The following CALN1 variants were observed in gnomAD, a reference collection of about 807,000 sequenced individuals.
The protein encoded by CALN1 is calneuron 1.
In CALN1, 17 loss-of-function variants were observed where a neutral mutation model predicts 30.6. That is an observed-to-expected ratio of 0.56 (90% CI 0.38 to 0.83). The LOEUF (loss-of-function observed/expected upper bound fraction) is 0.83. Among genes scored for constraint, CALN1 ranks in the 40% least tolerant of loss-of-function variants. The pLI is 0.00. For synonymous variants in CALN1, 156 were observed against 131.4 expected, an observed-to-expected ratio of 1.19 and a Z score of -1.28; for missense variants, 291 against 354.9, an observed-to-expected ratio of 0.82 and a Z score of 1.45.
At chr7:72,179,831 T>A (rs1490877755) in intron 3 of CALN1, among the ~76,000 whole-genome samples, 1 of 152,170 alleles carries the variant, frequency 6.6e-6, no homozygotes, top group Non-Finnish European at 1.5e-5. Context: ...AAAATTACAT[T>A]TTCTTATGTA....
At chr7:71,874,829 CA>C (rs1792147703) in intron 5 of CALN1, among the ~76,000 whole-genome samples, 1 of 151,728 alleles carries the variant, frequency 6.6e-6, no homozygotes, top group African/African-American at 2.4e-5. Context: ...CAGGGCCGAG[CA>C]CATAGTTGGA....
chr7:72,369,700 T>TGCA (rs1232662344), intron 2 of CALN1, among the ~76,000 whole-genome samples: 1 of 152,196 alleles, frequency 6.6e-6, no homozygotes, highest in Non-Finnish European at 1.5e-5. Context: ...TACCATAGTT[T>TGCA]GCATTTCCTA....
At chr7:72,034,738 T>A (rs914164096) in intron 4 of CALN1, among the ~76,000 whole-genome samples, 3 of 136,944 alleles carry the variant, frequency 2.2e-5, no homozygotes, top group African/African-American at 8.4e-5. Context: ...TGGTGAGCTG[T>A]GATCATGCCA....
At chr7:71,991,704 A>G (rs1798963405) in intron 5 of CALN1, among the ~76,000 whole-genome samples, 2 of 152,388 alleles carry the variant, frequency 1.3e-5, no homozygotes, top group South Asian at 4.1e-4. Context: ...AACAAGGGAC[A>G]GATACTTAAA....
upstream of CALN1, among the ~76,000 whole-genome samples, chr7:72,417,225 C>T (rs1311232465): frequency 2.6e-5 from 4 of 152,166 alleles, no homozygotes; most frequent in African/African-American, 4.8e-5. Flanking sequence ...TGAGATGCCC[C>T]GTGCAATGGG....
rs568655981 is a variant in CALN1, at chr7:71,993,208, C to A, written c.501+30449G>T. On this transcript the variant is annotated intron_variant, in intron 5 of 6. Transcript: ENST00000395275. The stretch of plus-strand genomic sequence containing the variant: ...GGTGCAGAGGCCCAGGAAGACATAT[C>A]ACCAGCCTCTGTTGCCACCTTGACT... Among the ~76,000 whole-genome samples the A allele has an allele frequency of 1.2e-3, 190 of 152,290 alleles. 1 individual carries two copies. The highest frequency in any genetic ancestry group is 4.4e-3 in the African/African-American group (181 of 41,548).
chr7:72,244,347 C>T (rs1160625445), intron 3 of CALN1, among the ~76,000 whole-genome samples: 1 of 152,104 alleles, frequency 6.6e-6, no homozygotes, highest in Admixed American at 6.6e-5. Flanking sequence ...TATTTCAATG[C>T]AAAGCTATTC....
intron 3 of CALN1, among the ~76,000 whole-genome samples, chr7:72,247,227 C>CTTTCTTTTTTTTTTTTT (rs1795239633): frequency 1.3e-5 from 1 of 77,672 alleles, no homozygotes; most frequent in Non-Finnish European, 2.3e-5. Context: ...CATTTTCTTT[C>CTTTCTTTTTTTTTTTTT]TTTTTTTTTT....
At chr7:71,995,316 C>A (rs1479307538) in intron 5 of CALN1, among the ~76,000 whole-genome samples, 1 of 152,198 alleles carries the variant, frequency 6.6e-6, no homozygotes, top group Non-Finnish European at 1.5e-5. Context: ...TGCTGTCATT[C>A]ACCCGTGCAA....
chr7:71,979,310 G>C (rs1438958007), intron 5 of CALN1, among the ~76,000 whole-genome samples: 1 of 152,110 alleles, frequency 6.6e-6, no homozygotes, highest in African/African-American at 2.4e-5. Context: ...AATATATAAT[G>C]AAACAATTAT....
intron 5 of CALN1, among the ~76,000 whole-genome samples, chr7:71,953,366 T>C (rs1008178271): frequency 6.6e-6 from 1 of 152,178 alleles, no homozygotes; most frequent in East Asian, 1.9e-4. Context: ...ACTATTTAAG[T>C]AGATGCGTAT....
At chr7:72,249,626 AC>A (rs1240551788) in intron 3 of CALN1, among the ~76,000 whole-genome samples, 2 of 152,026 alleles carry the variant, frequency 1.3e-5, no homozygotes, top group Non-Finnish European at 2.9e-5. Flanking sequence ...ACATGGCAAA[AC>A]CCTGTCTCTA....
intron 2 of CALN1, among the ~76,000 whole-genome samples, chr7:72,385,544 A>C (rs959956782): frequency 6.6e-6 from 1 of 152,020 alleles, no homozygotes; most frequent in Non-Finnish European, 1.5e-5. Context: ...ATCCCCAGGT[A>C]CCACAGGAAA....
intron 3 of CALN1, among the ~76,000 whole-genome samples, chr7:72,241,213 C>G (rs1040203053): frequency 6.6e-6 from 1 of 152,154 alleles, no homozygotes; most frequent in South Asian, 2.1e-4. Context: ...AAAGTATTCA[C>G]CATTCAACAG....
chr7:71,916,980 C>G, intron 5 of CALN1, among the ~76,000 whole-genome samples: 1 of 152,236 alleles, frequency 6.6e-6, no homozygotes, highest in South Asian at 2.1e-4. Flanking sequence ...GAGTTAGGAA[C>G]AAAAGGTCCC....
intron 5 of CALN1, among the ~76,000 whole-genome samples, chr7:71,982,518 G>A (rs1403249791): frequency 1.3e-5 from 2 of 152,096 alleles, no homozygotes; most frequent in Non-Finnish European, 2.9e-5. Flanking sequence ...CACTTGAACC[G>A]GGGAGGCAGA....
intron 2 of CALN1, among the ~76,000 whole-genome samples, chr7:72,384,778 C>G (rs780067028): frequency 6.6e-6 from 1 of 151,548 alleles, no homozygotes; most frequent in South Asian, 2.1e-4. Context: ...GATAAAACAC[C>G]AAAAGCATTA....
chr7:72,148,931 A>AG, intron 3 of CALN1, among the ~76,000 whole-genome samples: 1 of 150,610 alleles, frequency 6.6e-6, no homozygotes, highest in Non-Finnish European at 1.5e-5. Flanking sequence ...AAAGAAAGAA[A>AG]AAAAAGAAGG....
chr7:72,459,652 A>G, the CALN1 span, among the ~76,000 whole-genome samples: 4 of 151,190 alleles, frequency 2.6e-5, no homozygotes, highest in African/African-American at 7.3e-5. Flanking sequence ...AAAAGGCTAG[A>G]CCAACCTAAA....
Sources: allele counts gnomAD v4.1 joint callset (sites outside exome capture counted in the v4.1 genomes callset), GRCh38; gene constraint gnomAD v4.1.1; transcripts MANE v1.5; gene names NCBI Gene and HGNC (gene_info 2026-07-23, HGNC 2026-07-21).